LRRC37A2: variants seen among roughly 807,000 people sequenced by gnomAD.
The protein encoded by LRRC37A2 is leucine-rich repeat-containing protein 37A2.
A neutral mutation model predicts 68.8 loss-of-function variants in LRRC37A2; 9 were observed. The ratio of observed to expected loss-of-function variants is 0.13; its 90% CI spans 0.08 to 0.23. The LOEUF is 0.23. Ranked by LOEUF, LRRC37A2 falls within the 10% of genes least tolerant of loss-of-function variation. LRRC37A2 has a pLI of 1.00. For synonymous variants in LRRC37A2, 63 were observed against 367.6 expected (o/e 0.17, Z 9.48); for missense variants, 168 against 950.4 (o/e 0.18, Z 10.82).
the LRRC37A2 span, chr17:46,872,773 G>A: frequency 6.3e-7 from 1 of 1,598,534 alleles, no homozygotes; most frequent in Non-Finnish European, 8.5e-7. Flanking sequence ...GCTCAAGAGA[G>A]GTGGGGAGGA....
At chr17:46,939,249 C>T in the LRRC37A2 span, 1 of 1,041,926 alleles carries the variant, frequency 9.6e-7, no homozygotes, top group South Asian at 3.6e-5. Context: ...CATCCTCGTG[C>T]TCCTGGCCAC....
the LRRC37A2 span, chr17:46,930,404 C>A: frequency 6.6e-6 from 1 of 152,248 alleles, no homozygotes; most frequent in Non-Finnish European, 1.5e-5. Flanking sequence ...CTCATTGTTA[C>A]ATGATTAGAA....
intron 6 of LRRC37A2, among the ~76,000 whole-genome samples, chr17:46,532,947 G>A (rs2552467): frequency 8.4e-6 from 1 of 118,802 alleles, no homozygotes; most frequent in Non-Finnish European, 1.7e-5. Flanking sequence ...CAAAAAAAAT[G>A]TAAAAGTTAG....
At chr17:46,495,049 G>A in the LRRC37A2 span, among the ~76,000 whole-genome samples, 1 of 147,980 alleles carries the variant, frequency 6.8e-6, no homozygotes, top group Non-Finnish European at 1.5e-5. Flanking sequence ...TCTCATATAT[G>A]AATGAGAATA....
At chr17:46,997,059 A>T in the LRRC37A2 span, among the ~76,000 whole-genome samples, 2 of 152,150 alleles carry the variant, frequency 1.3e-5, no homozygotes, top group Non-Finnish European at 2.9e-5. Context: ...TTAGAATATT[A>T]CCATTTCTGG....
the LRRC37A2 span, among the ~76,000 whole-genome samples, chr17:46,984,974 C>A: frequency 3.9e-5 from 6 of 152,268 alleles, 1 homozygote; most frequent in East Asian, 1.2e-3. Flanking sequence ...TAAACAACCC[C>A]CCTAGGACCC....
the LRRC37A2 span, among the ~76,000 whole-genome samples, chr17:46,448,627 CT>C: frequency 6.3e-5 from 9 of 142,212 alleles, no homozygotes; most frequent in African/African-American, 2.1e-4. Flanking sequence ...GATTTTAAAA[CT>C]TTTTTTTTAA....
At chr17:46,751,531 G>A in the LRRC37A2 span, 3 of 1,613,914 alleles carry the variant, frequency 1.9e-6, no homozygotes, top group South Asian at 1.1e-5. Context: ...GATAAGGAAC[G>A]CACCACAATT....
the LRRC37A2 span, among the ~76,000 whole-genome samples, chr17:47,008,207 T>C: frequency 1.3e-5 from 2 of 150,680 alleles, no homozygotes; most frequent in African/African-American, 4.9e-5. Context: ...GTCTCCTGGG[T>C]TCATGCCATT....
chr17:46,496,918 GAA>G, the LRRC37A2 span, among the ~76,000 whole-genome samples: 57 of 132,214 alleles, frequency 4.3e-4, no homozygotes, highest in South Asian at 3.2e-3. Context: ...CCATCTCGGG[GAA>G]AAAAAAAAAA....
chr17:46,896,456 G>GAAAGAA, the LRRC37A2 span, among the ~76,000 whole-genome samples: 2 of 116,868 alleles, frequency 1.7e-5, no homozygotes, highest in Admixed American at 1.7e-4. Flanking sequence ...GAAAGAAAAA[G>GAAAGAA]AAAGAAAGAA....
the LRRC37A2 span, chr17:46,872,726 A>G: frequency 1.9e-6 from 3 of 1,608,134 alleles, no homozygotes; most frequent in African/African-American, 2.7e-5. Flanking sequence ...TTCCGGCATG[A>G]GCGCTGGAAC....
At chr17:47,038,394 T>C in the LRRC37A2 span, among the ~76,000 whole-genome samples, 3 of 151,844 alleles carry the variant, frequency 2.0e-5, no homozygotes, top group South Asian at 2.1e-4. Flanking sequence ...GGAAGGAGGA[T>C]TGCTTGAGGC....
the LRRC37A2 span, chr17:46,978,536 C>G: frequency 2.2e-6 from 3 of 1,394,020 alleles, no homozygotes; most frequent in Non-Finnish European, 1.9e-6. Flanking sequence ...GCCCCAGGCA[C>G]GTAGCTGCCC....
the LRRC37A2 span, among the ~76,000 whole-genome samples, chr17:47,020,809 G>C: frequency 1.6e-5 from 1 of 63,384 alleles, no homozygotes; most frequent in Non-Finnish European, 3.7e-5. Flanking sequence ...AAAAAAAATA[G>C]GAGGGAAGAA....
the LRRC37A2 span, chr17:46,924,523 A>T: frequency 6.6e-6 from 1 of 152,224 alleles, no homozygotes; most frequent in Non-Finnish European, 1.5e-5. Flanking sequence ...TTTGTTGATT[A>T]AAACACTTAA....
At chr17:47,018,840 G>C in the LRRC37A2 span, 3 of 1,520,450 alleles carry the variant, frequency 2.0e-6, no homozygotes, top group Non-Finnish European at 2.7e-6. Flanking sequence ...TTTGGATCTG[G>C]GGTTTACCAT....
chr17:46,932,061 T>C, the LRRC37A2 span: 5 of 1,613,410 alleles, frequency 3.1e-6, no homozygotes, highest in Non-Finnish European at 2.5e-6. Flanking sequence ...TCTCCATCAA[T>C]TCCAGTCGGG....
the LRRC37A2 span, among the ~76,000 whole-genome samples, chr17:46,820,041 C>A: frequency 6.6e-6 from 1 of 152,196 alleles, no homozygotes; most frequent in Non-Finnish European, 1.5e-5. Context: ...CGACCCGAGT[C>A]CCACAGAGGC....
Sources: allele counts gnomAD v4.1 joint callset (sites outside exome capture counted in the v4.1 genomes callset), GRCh38; gene constraint gnomAD v4.1.1; transcripts MANE v1.5; gene names NCBI Gene and HGNC (gene_info 2026-07-23, HGNC 2026-07-21).